LUZP2: variants seen among roughly 807,000 people sequenced by gnomAD.
The protein encoded by LUZP2 is leucine zipper protein 2.
In LUZP2, 52 loss-of-function variants were observed where a neutral mutation model predicts 51.6. The ratio of observed to expected loss-of-function variants is 1.01; its 90% CI spans 0.81 to 1.27. The LOEUF (loss-of-function observed/expected upper bound fraction) is 1.27, where lower values mean the gene tolerates loss of function less well. Ranked by LOEUF, LUZP2 falls within the 50% of genes most tolerant of loss-of-function variation. The pLI is 0.00. For synonymous variants in LUZP2, 154 were observed against 137.3 expected, an observed-to-expected ratio of 1.12 and a Z score of -0.85; for missense variants, 436 against 395.4, an observed-to-expected ratio of 1.10 and a Z score of -0.87.
intron 7 of LUZP2, among the ~76,000 whole-genome samples, chr11:24,933,555 C>A (rs558205563): frequency 3.9e-5 from 6 of 152,178 alleles, no homozygotes; most frequent in Non-Finnish European, 7.4e-5. Context: ...GACCATGATG[C>A]CTTCATGCTT....
chr11:24,693,518 T>G (rs1857144098), intron 1 of LUZP2, among the ~76,000 whole-genome samples: 1 of 151,910 alleles, frequency 6.6e-6, no homozygotes, highest in Non-Finnish European at 1.5e-5. Context: ...CTATGTTTAT[T>G]AAAAATACAC....
intron 1 of LUZP2, among the ~76,000 whole-genome samples, chr11:24,514,973 T>A (rs150538046): frequency 6.6e-6 from 1 of 152,160 alleles, no homozygotes. Context: ...TTATTGTTAG[T>A]AAGACCAAAG....
intron 1 of LUZP2, among the ~76,000 whole-genome samples, chr11:24,502,105 C>A (rs1421866449): frequency 7.1e-6 from 1 of 140,330 alleles, no homozygotes; most frequent in African/African-American, 3.1e-5. Context: ...TGAGTTCATC[C>A]GTGGAAACAG....
chr11:24,681,535 AT>A (rs1164870306), intron 1 of LUZP2, among the ~76,000 whole-genome samples: 1 of 152,200 alleles, frequency 6.6e-6, no homozygotes, highest in Non-Finnish European at 1.5e-5. Flanking sequence ...TAGGAACGAA[AT>A]AGATATTAGA....
intron 7 of LUZP2, among the ~76,000 whole-genome samples, chr11:24,973,735 T>C (rs923158333): frequency 6.6e-5 from 10 of 152,106 alleles, no homozygotes; most frequent in African/African-American, 2.4e-4. Context: ...TATGTAGTTT[T>C]GTGGTTTTGA....
At position 24,581,607 on chromosome 11, in the gene LUZP2, G is replaced by A. The variant is rs7101474; in HGVS notation, c.62+84302G>A. ...GATCGCTTGAACTCGGGAGGTGGAG[G>A]CATCAAAGAGTCAAAGACATGCCAC... On this transcript the variant is annotated intron_variant, in intron 1 of 11. Transcript: ENST00000336930. 9.2e-3 allele frequency among the ~76,000 whole-genome samples: 1,392 copies of A among 151,836 alleles called. 19 individuals carry two copies. The highest frequency in any genetic ancestry group is 0.028 in the African/African-American group (1,162 of 41,384).
intron 1 of LUZP2, among the ~76,000 whole-genome samples, chr11:24,518,428 G>T (rs924478121): frequency 6.6e-6 from 1 of 152,052 alleles, no homozygotes; most frequent in Non-Finnish European, 1.5e-5. Flanking sequence ...GGGCTAACAA[G>T]ATAACAAGCT....
intron 5 of LUZP2, among the ~76,000 whole-genome samples, chr11:24,806,893 G>A (rs1296968288): frequency 6.7e-6 from 1 of 150,224 alleles, no homozygotes; most frequent in Non-Finnish European, 1.5e-5. Context: ...AAGTTGGTTG[G>A]AGGATAGGGG....
chr11:24,548,413 G>T (rs527980245), intron 1 of LUZP2, among the ~76,000 whole-genome samples: 1 of 152,012 alleles, frequency 6.6e-6, no homozygotes, highest in Non-Finnish European at 1.5e-5. Context: ...AACATGGATG[G>T]CGCTGGAATT....
At chr11:24,922,367 A>G (rs1050985569) in intron 7 of LUZP2, among the ~76,000 whole-genome samples, 1 of 152,194 alleles carries the variant, frequency 6.6e-6, no homozygotes, top group African/African-American at 2.4e-5. Context: ...TATGTATAAC[A>G]GAGTGTCAGA....
intron 6 of LUZP2, among the ~76,000 whole-genome samples, chr11:24,911,176 T>C (rs1006626381): frequency 9.2e-5 from 14 of 152,166 alleles, no homozygotes; most frequent in African/African-American, 3.4e-4. Context: ...GGGAAGTAAC[T>C]AACTTGCTTC....
chr11:24,850,070 G>A (rs149489322), intron 5 of LUZP2, among the ~76,000 whole-genome samples: 1 of 152,210 alleles, frequency 6.6e-6, no homozygotes, highest in East Asian at 1.9e-4. Context: ...CCATTCTGTA[G>A]GTTGCCTGTT....
intron 1 of LUZP2, among the ~76,000 whole-genome samples, chr11:24,716,878 AGAGT>A (rs1296598685): frequency 4.6e-5 from 7 of 151,412 alleles, no homozygotes; most frequent in Non-Finnish European, 1.0e-4. Flanking sequence ...CCTGGGTGAC[AGAGT>A]GAGACTACAT....
chr11:24,693,331 A>G (rs1034906233), intron 1 of LUZP2, among the ~76,000 whole-genome samples: 5 of 151,552 alleles, frequency 3.3e-5, no homozygotes, highest in African/African-American at 1.2e-4. Context: ...GAGGCAGCTG[A>G]TCTTTTTCAC....
At chr11:24,572,841 A>G (rs908966278) in intron 1 of LUZP2, among the ~76,000 whole-genome samples, 16 of 152,066 alleles carry the variant, frequency 1.1e-4, no homozygotes, top group Middle Eastern at 3.4e-3. Flanking sequence ...TACTGTGCAG[A>G]AAATTTTATT....
chr11:24,751,541 G>C (rs1859587981), intron 4 of LUZP2: 2 of 967,470 alleles, frequency 2.1e-6, no homozygotes, highest in South Asian at 4.8e-5. Context: ...GAAGTAATGG[G>C]AGTGAGGAAG....
chr11:24,599,152 A>G (rs540166813), intron 1 of LUZP2, among the ~76,000 whole-genome samples: 15 of 152,298 alleles, frequency 9.8e-5, no homozygotes, highest in African/African-American at 3.4e-4. Context: ...CAACGTGATG[A>G]AGACATGAAG....
At chr11:24,554,701 A>ATTT (rs397747044) in intron 1 of LUZP2, among the ~76,000 whole-genome samples, 4,832 of 133,390 alleles carry the variant, frequency 0.036, 370 homozygotes, top group African/African-American at 0.13. Context: ...TGGTTATTTA[A>ATTT]TTTTTTTTTT....
intron 7 of LUZP2, among the ~76,000 whole-genome samples, chr11:24,921,171 A>T (rs1449793251): frequency 6.6e-6 from 1 of 152,070 alleles, no homozygotes; most frequent in Non-Finnish European, 1.5e-5. Context: ...AGGAAAGAAG[A>T]AAGAAAGAAG....
Sources: allele counts gnomAD v4.1 joint callset (sites outside exome capture counted in the v4.1 genomes callset), GRCh38; gene constraint gnomAD v4.1.1; transcripts MANE v1.5; gene names NCBI Gene and HGNC (gene_info 2026-07-23, HGNC 2026-07-21).